The following CLVS1 variants were observed in gnomAD, a reference collection of about 807,000 sequenced individuals.
CLVS1 encodes the protein clavesin 1.
Under a neutral mutation model 33.1 loss-of-function variants are expected in CLVS1, and 10 were observed. The ratio of observed to expected loss-of-function variants is 0.30; its 90% CI spans 0.19 to 0.51. CLVS1 has a LOEUF of 0.51. CLVS1 is among the 20% of genes least tolerant of loss of function. The pLI is 0.97. For synonymous variants in CLVS1, 163 were observed against 166.1 expected (o/e 0.98, Z 0.14); for missense variants, 343 against 433.4 (o/e 0.79, Z 1.85).
chr8:61,275,964 T>C (rs1038571492), intron 2 of CLVS1, among the ~76,000 whole-genome samples: 4 of 152,214 alleles, frequency 2.6e-5, no homozygotes, highest in African/African-American at 4.8e-5. Context: ...TATTTCTTAA[T>C]TTAAGTTGCC....
chr8:61,383,780 TA>T (rs1164306932), intron 3 of CLVS1, among the ~76,000 whole-genome samples: 4 of 152,298 alleles, frequency 2.6e-5, no homozygotes, highest in Non-Finnish European at 5.9e-5. Context: ...GTACTTTTGA[TA>T]AATGGTGTTT....
chr8:61,277,450 A>T (rs1041107640), intron 2 of CLVS1, among the ~76,000 whole-genome samples: 2 of 152,150 alleles, frequency 1.3e-5, no homozygotes, highest in African/African-American at 2.4e-5. Flanking sequence ...CCGCACACAG[A>T]TCTGAAGCCC....
intron 3 of CLVS1, among the ~76,000 whole-genome samples, chr8:61,385,495 C>T (rs1376675476): frequency 2.0e-5 from 3 of 152,142 alleles, no homozygotes; most frequent in African/African-American, 7.2e-5. Flanking sequence ...GCACAGCCCA[C>T]ACTCTCTGGT....
chr8:61,392,346 T>A (rs564943153), intron 3 of CLVS1, among the ~76,000 whole-genome samples: 125 of 151,308 alleles, frequency 8.3e-4, no homozygotes, highest in African/African-American at 2.7e-3. Flanking sequence ...AAAAAAAAAA[T>A]TTCTAAATTG....
intron 2 of CLVS1, among the ~76,000 whole-genome samples, chr8:61,194,064 G>GT (rs1807551195): frequency 1.6e-5 from 1 of 62,310 alleles, no homozygotes; most frequent in Non-Finnish European, 4.7e-5. Flanking sequence ...AGAGAAAGAG[G>GT]GTATTCATTT....
At chr8:61,310,523 C>T (rs577108057) in intron 2 of CLVS1, among the ~76,000 whole-genome samples, 2 of 152,200 alleles carry the variant, frequency 1.3e-5, no homozygotes, top group Admixed American at 1.3e-4. Flanking sequence ...CGACAGGTCT[C>T]CATGAGCTAT....
At chr8:61,398,181 CTTTT>C (rs545959573) in intron 3 of CLVS1, among the ~76,000 whole-genome samples, 2 of 125,926 alleles carry the variant, frequency 1.6e-5, no homozygotes, top group Non-Finnish European at 3.4e-5. Context: ...ATAAGCTTTA[CTTTT>C]TTTTTTTTTT....
chr8:61,333,606 G>T (rs1164006383), intron 2 of CLVS1, among the ~76,000 whole-genome samples: 1 of 152,190 alleles, frequency 6.6e-6, no homozygotes, highest in Non-Finnish European at 1.5e-5. Context: ...CATTCAAAAG[G>T]ATTAGAGCAA....
At chr8:61,440,151 G>A (rs1432410187) in intron 3 of CLVS1, among the ~76,000 whole-genome samples, 1 of 152,178 alleles carries the variant, frequency 6.6e-6, no homozygotes, top group Non-Finnish European at 1.5e-5. Flanking sequence ...GACAAGGAAT[G>A]TGTCTTGTAT....
At chr8:61,366,597 G>C (rs1813221319) in intron 2 of CLVS1, among the ~76,000 whole-genome samples, 1 of 152,206 alleles carries the variant, frequency 6.6e-6, no homozygotes, top group Admixed American at 6.5e-5. Flanking sequence ...AGTGATCTCA[G>C]TGTTGGTCAA....
At chr8:61,435,387 G>C (rs1816291420) in intron 3 of CLVS1, among the ~76,000 whole-genome samples, 1 of 152,036 alleles carries the variant, frequency 6.6e-6, no homozygotes, top group Non-Finnish European at 1.5e-5. Context: ...TTTGTAGTGA[G>C]TTAGAATTTT....
intron 3 of CLVS1, among the ~76,000 whole-genome samples, chr8:61,401,597 A>G (rs975717958): frequency 1.1e-4 from 16 of 152,204 alleles, no homozygotes; most frequent in Non-Finnish European, 4.4e-5. Flanking sequence ...GCTCATGGAT[A>G]GGAAGAATAA....
At chr8:61,138,583 G>A (rs1380149563) in intron 2 of CLVS1, among the ~76,000 whole-genome samples, 1 of 151,622 alleles carries the variant, frequency 6.6e-6, no homozygotes. Flanking sequence ...AAGGGGAGAC[G>A]GGGGGCAGGG....
At chr8:61,469,280 C>T (rs1230429548) in intron 5 of CLVS1, among the ~76,000 whole-genome samples, 3 of 152,198 alleles carry the variant, frequency 2.0e-5, no homozygotes. Context: ...CGCTGACTTC[C>T]TAAATTGGCA....
intron 2 of CLVS1, among the ~76,000 whole-genome samples, chr8:61,185,302 C>A (rs143372361): frequency 0.049 from 6,338 of 128,524 alleles, 266 homozygotes; most frequent in African/African-American, 0.13. Context: ...CCACCATGCC[C>A]GGCTAATTTT....
chr8:61,276,915 G>C (rs1809570741), intron 2 of CLVS1, among the ~76,000 whole-genome samples: 1 of 152,180 alleles, frequency 6.6e-6, no homozygotes, highest in African/African-American at 2.4e-5. Context: ...ATAGATCCGA[G>C]CACAGTGGCT....
intron 2 of CLVS1, among the ~76,000 whole-genome samples, chr8:61,376,310 T>C (rs1392059432): frequency 6.6e-6 from 1 of 152,062 alleles, no homozygotes; most frequent in Non-Finnish European, 1.5e-5. Context: ...TTCAACAAAA[T>C]GCAATTGGGG....
chr8:61,346,396 G>T (rs1306674742), intron 2 of CLVS1, among the ~76,000 whole-genome samples: 1 of 152,104 alleles, frequency 6.6e-6, no homozygotes, highest in Non-Finnish European at 1.5e-5. Context: ...AGAAGCAGAG[G>T]TCGCAGTTGA....
intron 4 of CLVS1, among the ~76,000 whole-genome samples, 189 bp from the exon 5 acceptor site, chr8:61,458,118 G>T (rs570679855): frequency 6.6e-6 from 1 of 152,278 alleles, no homozygotes; most frequent in South Asian, 2.1e-4. Flanking sequence ...TATTAATTCA[G>T]CCCCTTTTCT....
Sources: gnomAD v4.1 joint callset for allele counts (sites outside exome capture counted in the v4.1 genomes callset) on GRCh38, gnomAD v4.1.1 for gene constraint, MANE v1.5 for transcripts, NCBI Gene and HGNC (gene_info 2026-07-23, HGNC 2026-07-21) for gene names.